AFG2A: variants seen among roughly 807,000 people sequenced by gnomAD.
AFG2A encodes the protein ATPase family gene 2 protein homolog A.
At chr4:122,933,423 T>C in the AFG2A span, 15 of 1,608,868 alleles carry the variant, frequency 9.3e-6, no homozygotes, top group African/African-American at 1.3e-5. Context: ...TCTGTTCCCT[T>C]CTTATCCTTT....
At chr4:123,288,559 T>G in the AFG2A span, among the ~76,000 whole-genome samples, 1 of 152,210 alleles carries the variant, frequency 6.6e-6, no homozygotes, top group Admixed American at 6.5e-5. Flanking sequence ...TGCAGTATCC[T>G]TCTCATATGG....
At chr4:123,221,140 G>A in the AFG2A span, among the ~76,000 whole-genome samples, 1 of 152,002 alleles carries the variant, frequency 6.6e-6, no homozygotes, top group Non-Finnish European at 1.5e-5. Context: ...TCCAAATGGA[G>A]ATGTGAGTTT....
At chr4:123,035,198 T>C in the AFG2A span, among the ~76,000 whole-genome samples, 3 of 152,220 alleles carry the variant, frequency 2.0e-5, no homozygotes, top group Non-Finnish European at 4.4e-5. Flanking sequence ...TTGGTTATTT[T>C]TTCTTTCACC....
chr4:123,041,649 A>G, the AFG2A span, among the ~76,000 whole-genome samples: 10 of 151,798 alleles, frequency 6.6e-5, no homozygotes, highest in Admixed American at 3.3e-4. Context: ...CTCCTGCCTG[A>G]GTCTCCCAAG....
the AFG2A span, among the ~76,000 whole-genome samples, chr4:123,207,531 C>T: frequency 1.3e-5 from 2 of 152,008 alleles, no homozygotes; most frequent in Admixed American, 6.6e-5. Flanking sequence ...CGCCATGTTA[C>T]CCAGGGTGGT....
At chr4:123,037,081 A>G in the AFG2A span, among the ~76,000 whole-genome samples, 1 of 152,094 alleles carries the variant, frequency 6.6e-6, no homozygotes, top group East Asian at 1.9e-4. Flanking sequence ...TTTAGAACTT[A>G]TAAAAACTTC....
the AFG2A span, among the ~76,000 whole-genome samples, chr4:122,925,365 A>G: frequency 6.6e-6 from 1 of 152,132 alleles, no homozygotes; most frequent in African/African-American, 2.4e-5. Flanking sequence ...TGTAAGATGA[A>G]GATCTTGTCA....
chr4:122,946,510 C>T, the AFG2A span, among the ~76,000 whole-genome samples: 17 of 151,808 alleles, frequency 1.1e-4, no homozygotes, highest in African/African-American at 4.1e-4. Flanking sequence ...TAGGTTTGAG[C>T]TTTTTTTAAA....
chr4:122,950,387 T>A, the AFG2A span, among the ~76,000 whole-genome samples: 1 of 151,414 alleles, frequency 6.6e-6, no homozygotes. Context: ...TTGCCCAGAC[T>A]GGAGCGCAAT....
chr4:123,015,854 G>C, the AFG2A span, among the ~76,000 whole-genome samples: 2 of 17,118 alleles, frequency 1.2e-4, no homozygotes, highest in Admixed American at 6.5e-4. Flanking sequence ...CTGGCCGGGC[G>C]GGGGGCTGAC....
At chr4:123,103,715 G>C in the AFG2A span, among the ~76,000 whole-genome samples, 1 of 152,040 alleles carries the variant, frequency 6.6e-6, no homozygotes, top group African/African-American at 2.4e-5. Context: ...AATGTTTATA[G>C]CAACTTTATT....
the AFG2A span, among the ~76,000 whole-genome samples, chr4:123,018,459 G>T: frequency 2.0e-5 from 3 of 152,150 alleles, no homozygotes; most frequent in East Asian, 5.8e-4. Flanking sequence ...ACTATTTGTT[G>T]AAAGATGAGA....
chr4:123,304,918 ACT>A, the AFG2A span, among the ~76,000 whole-genome samples: 2 of 152,142 alleles, frequency 1.3e-5, no homozygotes, highest in East Asian at 1.9e-4. Context: ...CAGTTCACTC[ACT>A]CACACAAGAA....
chr4:123,118,712 A>G, the AFG2A span, among the ~76,000 whole-genome samples: 2 of 152,068 alleles, frequency 1.3e-5, no homozygotes, highest in African/African-American at 4.8e-5. Flanking sequence ...GTTAGATATT[A>G]TCGTATTTCC....
At chr4:122,975,453 A>G in the AFG2A span, among the ~76,000 whole-genome samples, 1 of 152,182 alleles carries the variant, frequency 6.6e-6, no homozygotes, top group South Asian at 2.1e-4. Flanking sequence ...CAAGAATTGT[A>G]AAGGGTCTGA....
At chr4:122,945,620 G>A in the AFG2A span, among the ~76,000 whole-genome samples, 4 of 152,320 alleles carry the variant, frequency 2.6e-5, no homozygotes, top group African/African-American at 9.6e-5. Flanking sequence ...GCCTCACCCT[G>A]CTTCGGCTCG....
the AFG2A span, among the ~76,000 whole-genome samples, chr4:122,940,235 T>A: frequency 1.3e-5 from 2 of 152,040 alleles, 1 homozygote; most frequent in Admixed American, 1.3e-4. Context: ...TGAACTAGTT[T>A]ACAGTCCCAC....
chr4:123,122,131 C>A, the AFG2A span, among the ~76,000 whole-genome samples: 20 of 152,190 alleles, frequency 1.3e-4, no homozygotes, highest in African/African-American at 3.6e-4. Flanking sequence ...TCAAAACTTA[C>A]CTGTTTTGCT....
the AFG2A span, among the ~76,000 whole-genome samples, chr4:123,003,997 C>G: frequency 1.0e-3 from 158 of 152,308 alleles, 1 homozygote; most frequent in African/African-American, 3.7e-3. Flanking sequence ...TTTACCTAAG[C>G]GAGCCTGAGC....
Sources: gnomAD v4.1 joint callset for allele counts (sites outside exome capture counted in the v4.1 genomes callset) on GRCh38, gnomAD v4.1.1 for gene constraint, MANE v1.5 for transcripts, NCBI Gene and HGNC (gene_info 2026-07-23, HGNC 2026-07-21) for gene names.